The following KAT14 variants were observed in gnomAD, a reference collection of about 807,000 sequenced individuals.
KAT14 encodes lysine acetyltransferase 14, also known as cysteine-rich protein 2-binding protein.
In KAT14, 66 loss-of-function variants were observed where a neutral mutation model predicts 78.4. That is an observed-to-expected ratio of 0.84 (90% CI 0.69 to 1.03). The LOEUF is 1.03. KAT14 is among the 50% of genes least tolerant of loss of function. KAT14 has a pLI of 0.00. For missense variants in KAT14, 870 were observed against 972.5 expected (o/e 0.89, Z 1.40); for synonymous variants, 344 against 359.4 (o/e 0.96, Z 0.48).
intron 7 of KAT14, among the ~76,000 whole-genome samples, chr20:18,168,365 T>C (rs1267894572): frequency 2.6e-5 from 4 of 152,012 alleles, no homozygotes; most frequent in Non-Finnish European, 5.9e-5. Flanking sequence ...CCGTCTCTAC[T>C]AAAAATAAAA....
intron 9 of KAT14, among the ~76,000 whole-genome samples, chr20:18,184,162 TA>T (rs2039366180): frequency 6.6e-6 from 1 of 152,234 alleles, no homozygotes; most frequent in Non-Finnish European, 1.5e-5. Flanking sequence ...AAAGAACTTA[TA>T]AATTATATGT....
At chr20:18,183,560 T>C (rs2039344999) in intron 9 of KAT14, 1 of 983,580 alleles carries the variant, frequency 1.0e-6, no homozygotes, top group African/African-American at 1.7e-5. Context: ...CTGTTTTGCT[T>C]CTGCATATGT....
chr20:18,140,341 G>A (rs1399199696), intron 1 of KAT14, among the ~76,000 whole-genome samples: 1 of 152,048 alleles, frequency 6.6e-6, no homozygotes, highest in Non-Finnish European at 1.5e-5. Flanking sequence ...TATCAATCCC[G>A]GGACTCCTTC....
chr20:18,137,740 G>A, upstream of KAT14: 1 of 458,920 alleles, frequency 2.2e-6, no homozygotes, highest in Non-Finnish European at 3.8e-6. Flanking sequence ...GTGTGCAGGA[G>A]GCCCCTAGTG....
intron 4 of KAT14, among the ~76,000 whole-genome samples, chr20:18,155,555 G>GCTC (rs1413045679): frequency 6.6e-6 from 1 of 152,086 alleles, no homozygotes; most frequent in Non-Finnish European, 1.5e-5. Context: ...TGTTGTTATA[G>GCTC]CTCCCCTCAT....
At chr20:18,145,792 A>AT (rs1229197706) in intron 3 of KAT14, among the ~76,000 whole-genome samples, 1 of 152,040 alleles carries the variant, frequency 6.6e-6, no homozygotes, top group African/African-American at 2.4e-5. Flanking sequence ...AAAAAAAAAA[A>AT]ATATATTCAC....
chr20:18,138,446 T>C, intron 1 of KAT14: 1 of 996,582 alleles, frequency 1.0e-6, no homozygotes, highest in Non-Finnish European at 1.2e-6. Flanking sequence ...AAATAGAAGG[T>C]GGGGAAGGAG....
At chr20:18,165,556 T>C (rs2038608604) in intron 7 of KAT14, among the ~76,000 whole-genome samples, 1 of 152,194 alleles carries the variant, frequency 6.6e-6, no homozygotes, top group Non-Finnish European at 1.5e-5. Flanking sequence ...ATTTGGCCTC[T>C]AGAACTGTGA....
intron 3 of KAT14, among the ~76,000 whole-genome samples, chr20:18,145,772 C>T (rs2037805230): frequency 6.6e-6 from 1 of 150,940 alleles, no homozygotes; most frequent in South Asian, 2.1e-4. Context: ...CAAAGTGTGA[C>T]TCCTTTTCAA....
chr20:18,171,339 T>TGGCCTGGCCATAAGCCA (rs1688443722), intron 7 of KAT14, among the ~76,000 whole-genome samples: 1 of 152,260 alleles, frequency 6.6e-6, no homozygotes, highest in Non-Finnish European at 1.5e-5. Context: ...TTGCTTCTTA[T>TGGCCTGGCCATAAGCCA]GGATGAGCAA....
chr20:18,163,272 G>C (rs1480062163), intron 7 of KAT14, among the ~76,000 whole-genome samples: 6 of 152,154 alleles, frequency 3.9e-5, no homozygotes, highest in Non-Finnish European at 8.8e-5. Flanking sequence ...TGACAAATTT[G>C]TTGAGGCCAT....
intron 3 of KAT14, among the ~76,000 whole-genome samples, chr20:18,150,578 T>C (rs897202808): frequency 6.6e-6 from 1 of 152,172 alleles, no homozygotes; most frequent in Non-Finnish European, 1.5e-5. Flanking sequence ...GCCCTGCATG[T>C]GTGGCACCTA....
At chr20:18,138,811 G>A (rs989134090) in intron 1 of KAT14, among the ~76,000 whole-genome samples, 1 of 152,064 alleles carries the variant, frequency 6.6e-6, no homozygotes. Flanking sequence ...GACCTTTAAT[G>A]GGTGATTACT....
intron 5 of KAT14, 80 bp downstream of exon 5, chr20:18,159,345 CCA>C: frequency 6.6e-7 from 1 of 1,509,836 alleles, no homozygotes; most frequent in Non-Finnish European, 8.9e-7. Flanking sequence ...GCTCCTGCTT[CCA>C]CTGGGCATGG....
At chr20:18,160,470 T>A (rs2038379024) in intron 5 of KAT14, among the ~76,000 whole-genome samples, 1 of 152,240 alleles carries the variant, frequency 6.6e-6, no homozygotes, top group African/African-American at 2.4e-5. Flanking sequence ...TCCATGACAG[T>A]ACATGTAGAT....
chr20:18,150,476 A>G (rs1600219887), intron 3 of KAT14, among the ~76,000 whole-genome samples: 1 of 152,012 alleles, frequency 6.6e-6, no homozygotes, highest in African/African-American at 2.4e-5. Context: ...TTAGGACTAC[A>G]CTGTGTAGGG....
chr20:18,162,934 G>T lies in KAT14; in HGVS notation c.1657G>T (p.Asp553Tyr), dbSNP rs1568668972. ...CACCTGTCAGGACTTCAGAATCCTT[G>T]ACCGATACCAGGTGAATGCAAGCAC... ...RTTCQDFRIL[D>Y]RYQTSLPSRK... The change falls in exon 7 of 11, where the codon GAC becomes TAC. Residue 553 changes from aspartate to tyrosine, a missense_variant. Transcript: ENST00000688188. 2 of 1,613,846 alleles carry T rather than the reference G, an allele frequency of 1.2e-6. No individual in the cohort carries two copies. The highest frequency in any genetic ancestry group is 1.1e-5 in the South Asian group (1 of 90,992).
Position 18,162,656 on chromosome 20 carries a change from C to G in KAT14, c.1379C>G (p.Thr460Ser). 6.2e-7 allele frequency: 1 copy of G among 1,614,230 alleles called. No homozygotes were observed. The highest frequency in any genetic ancestry group is 8.5e-7 in the Non-Finnish European group (1 of 1,180,042). Reference protein sequence around the residue: ...KDTKPKEPRYTPVSIYEEKLL... With the variant: ...KDTKPKEPRYSPVSIYEEKLL... ...ACAAAGCCGAAAGAGCCCAGGTATA[C>G]TCCCGTGAGCATCTACGAGGAAAAG... Residue 460 changes from threonine (T) to serine (S), a missense_variant, in exon 7 of 11, where the codon ACT becomes AGT. Thr to Ser is a moderately conservative substitution (Grantham distance 58). Transcript: ENST00000688188.
intron 2 of KAT14, 183 bp from the exon 3 acceptor site, chr20:18,145,050 A>G (rs190094251): frequency 7.4e-7 from 1 of 1,356,486 alleles, no homozygotes; most frequent in East Asian, 2.8e-5. Context: ...GTGGGCGTAT[A>G]CTTGGTGTTA....
Sources: gnomAD v4.1 joint callset for allele counts (sites outside exome capture counted in the v4.1 genomes callset) on GRCh38, gnomAD v4.1.1 for gene constraint, MANE v1.5 for transcripts, NCBI Gene and HGNC (gene_info 2026-07-23, HGNC 2026-07-21) for gene names.